PLCB1: variants seen among roughly 807,000 people sequenced by gnomAD.
PLCB1 encodes the protein 1-phosphatidylinositol 4,5-bisphosphate phosphodiesterase beta-1.
A neutral mutation model predicts 161.8 loss-of-function variants in PLCB1; 46 were observed. That is an observed-to-expected ratio of 0.28 (90% CI 0.22 to 0.36). The LOEUF (loss-of-function observed/expected upper bound fraction) is 0.36, where lower values mean the gene tolerates loss of function less well. Among genes scored for constraint, PLCB1 ranks in the 10% least tolerant of loss-of-function variants. The pLI is 1.00. For missense variants in PLCB1, 1,016 were observed against 1,472.5 expected (o/e 0.69, Z 5.07); for synonymous variants, 517 against 503.7 (o/e 1.03, Z -0.35).
chr20:8,543,900 C>G (rs527965606), intron 3 of PLCB1, among the ~76,000 whole-genome samples: 1 of 152,236 alleles, frequency 6.6e-6, no homozygotes, highest in South Asian at 2.1e-4. Flanking sequence ...CTGAGGCCTC[C>G]CCAGCCATAC....
intron 2 of PLCB1, among the ~76,000 whole-genome samples, chr20:8,321,749 T>C (rs2122161755): frequency 6.6e-6 from 1 of 152,150 alleles, no homozygotes; most frequent in East Asian, 1.9e-4. Flanking sequence ...AAATCCCACA[T>C]TAAATGCCAC....
intron 10 of PLCB1, among the ~76,000 whole-genome samples, chr20:8,691,335 A>G (rs952792134): frequency 1.3e-5 from 2 of 152,134 alleles, no homozygotes; most frequent in African/African-American, 4.8e-5. Flanking sequence ...TTTAGTTTTT[A>G]TACTTTACAG....
At chr20:8,387,163 C>T (rs767129054) in intron 3 of PLCB1, among the ~76,000 whole-genome samples, 13 of 152,186 alleles carry the variant, frequency 8.5e-5, no homozygotes, top group African/African-American at 1.2e-4. Context: ...CACAACTGGG[C>T]GGCTGACTGC....
chr20:8,256,540 T>A (rs1417600442), intron 2 of PLCB1, among the ~76,000 whole-genome samples: 1 of 152,090 alleles, frequency 6.6e-6, no homozygotes, highest in East Asian at 1.9e-4. Context: ...TTTGACCACA[T>A]CCTGCTCGCT....
In PLCB1 at chr20:8,862,107, T is replaced by C. The variant is rs1600100955; in HGVS notation, c.3424-19515T>C. On this transcript the variant is annotated intron_variant, in intron 31 of 31. Coordinates refer to ENST00000338037, the MANE Select transcript of PLCB1 (RefSeq NM_015192.4). The stretch of plus-strand genomic sequence containing the variant: ...AGGATACTATTTATATTTCTGCTAC[T>C]GAATACAGCACAGTAATATATTTCC... Among the ~76,000 whole-genome samples the C allele has an allele frequency of 2.0e-5, 3 of 152,254 alleles. No individual in the cohort carries two copies. In the South Asian group the frequency reaches 6.2e-4, roughly 31 times the overall value.
At chr20:8,661,961 A>G (rs1989639387) in intron 9 of PLCB1, among the ~76,000 whole-genome samples, 2 of 41,494 alleles carry the variant, frequency 4.8e-5, no homozygotes, top group South Asian at 1.2e-3. Flanking sequence ...ATAATTATAT[A>G]ATTATTTATT....
At chr20:8,458,975 C>G (rs1396034012) in intron 3 of PLCB1, among the ~76,000 whole-genome samples, 2 of 152,154 alleles carry the variant, frequency 1.3e-5, no homozygotes, top group African/African-American at 4.8e-5. Flanking sequence ...ATGTGAATTG[C>G]TTGTCAGACT....
chr20:8,368,035 C>T (rs530078995), intron 2 of PLCB1, among the ~76,000 whole-genome samples: 22 of 152,226 alleles, frequency 1.4e-4, no homozygotes, highest in African/African-American at 3.6e-4. Context: ...ACACAGTTGG[C>T]GTTAACTACC....
chr20:8,770,311 C>G lies in PLCB1; in HGVS notation c.2931-4228C>G, dbSNP rs188394709. Among the ~76,000 whole-genome samples the G allele has an allele frequency of 2.2e-3, 340 of 152,278 alleles. 2 individuals are homozygous for G. The highest frequency in any genetic ancestry group is 0.02 in the Admixed American group (301 of 15,292). ...AAGGCCATCTAGGTGATATTTGTCA[C>G]TTTTTCAAGGAGGAAGCTGAAAGCT... is the stretch of plus-strand genomic sequence containing the variant. On this transcript the variant is annotated intron_variant, in intron 26 of 31. Transcript: ENST00000338037.
At chr20:8,816,247 C>A (rs955603175) in intron 31 of PLCB1, among the ~76,000 whole-genome samples, 10 of 152,138 alleles carry the variant, frequency 6.6e-5, no homozygotes, top group African/African-American at 2.4e-4. Flanking sequence ...GAAACATTTT[C>A]ACAACTGAAG....
chr20:8,331,792 G>A (rs1478276087), intron 2 of PLCB1, among the ~76,000 whole-genome samples: 1 of 152,184 alleles, frequency 6.6e-6, no homozygotes, highest in Non-Finnish European at 1.5e-5. Context: ...GGAAGAACTT[G>A]ACACCTTACT....
intron 12 of PLCB1, among the ~76,000 whole-genome samples, chr20:8,710,197 C>T (rs552884596): frequency 6.6e-5 from 10 of 152,106 alleles, no homozygotes; most frequent in South Asian, 2.1e-4. Context: ...TTTTTACTCA[C>T]GGGAAGACAG....
chr20:8,726,280 A>G (rs1979929667), intron 16 of PLCB1, among the ~76,000 whole-genome samples: 1 of 152,120 alleles, frequency 6.6e-6, no homozygotes, highest in Non-Finnish European at 1.5e-5. Flanking sequence ...CTAAACTAAG[A>G]TAACTTTGTT....
chr20:8,170,748 T>C (rs1209296652), intron 2 of PLCB1, among the ~76,000 whole-genome samples: 1 of 152,142 alleles, frequency 6.6e-6, no homozygotes, highest in Non-Finnish European at 1.5e-5. Flanking sequence ...AAAGGAGCCC[T>C]GAATCTATGA....
intron 3 of PLCB1, among the ~76,000 whole-genome samples, chr20:8,583,757 T>A (rs1350862985): frequency 6.6e-6 from 1 of 152,166 alleles, no homozygotes; most frequent in African/African-American, 2.4e-5. Context: ...TTTAACTAAG[T>A]GAGAGAAGGA....
chr20:8,397,418 T>C (rs141188060), intron 3 of PLCB1, among the ~76,000 whole-genome samples: 1 of 152,286 alleles, frequency 6.6e-6, no homozygotes, highest in Non-Finnish European at 1.5e-5. Context: ...TTATCAATTT[T>C]ACATTTGGAA....
intron 3 of PLCB1, chr20:8,623,903 G>T (rs1287502043): frequency 6.6e-6 from 1 of 151,988 alleles, no homozygotes; most frequent in Non-Finnish European, 1.5e-5. Context: ...ATAAAAGAAA[G>T]AAACCTTGAA....
At chr20:8,170,237 T>C (rs951991081) in intron 2 of PLCB1, among the ~76,000 whole-genome samples, 1 of 152,190 alleles carries the variant, frequency 6.6e-6, no homozygotes, top group Non-Finnish European at 1.5e-5. Context: ...AAAATCTTAC[T>C]GACTCTAGGA....
intron 3 of PLCB1, among the ~76,000 whole-genome samples, chr20:8,378,601 G>A (rs889721640): frequency 6.6e-6 from 1 of 152,166 alleles, no homozygotes; most frequent in African/African-American, 2.4e-5. Context: ...GGCCATTCAG[G>A]GTAGTGATTG....
Sources: allele counts gnomAD v4.1 joint callset (sites outside exome capture counted in the v4.1 genomes callset), GRCh38; gene constraint gnomAD v4.1.1; transcripts MANE v1.5; gene names NCBI Gene and HGNC (gene_info 2026-07-23, HGNC 2026-07-21).